The following NKAIN2 variants were observed in gnomAD, a reference collection of about 807,000 sequenced individuals.
The protein encoded by NKAIN2 is sodium/potassium-transporting ATPase subunit beta-1-interacting protein 2.
In NKAIN2, 14 loss-of-function variants were observed where a neutral mutation model predicts 32.6. The observed-to-expected ratio is 0.43, with a 90% confidence interval of 0.28 to 0.67. The LOEUF (loss-of-function observed/expected upper bound fraction) is 0.67, where lower values mean the gene tolerates loss of function less well. Ranked by LOEUF, NKAIN2 falls within the 30% of genes least tolerant of loss-of-function variation. The pLI, the probability that NKAIN2 is intolerant of heterozygous loss-of-function variation, is 0.17. For missense variants in NKAIN2, 198 were observed against 258.3 expected, an observed-to-expected ratio of 0.77 and a Z score of 1.60; for synonymous variants, 80 against 87.2, an observed-to-expected ratio of 0.92 and a Z score of 0.46.
intron 1 of NKAIN2, among the ~76,000 whole-genome samples, chr6:124,020,633 A>AGC (rs1267928406): frequency 1.5e-5 from 2 of 137,896 alleles, no homozygotes; most frequent in African/African-American, 6.0e-5. Flanking sequence ...ATATTTTAAA[A>AGC]ACATATAAAA....
At position 124,735,512 on chromosome 6, in the gene NKAIN2, G is replaced by T. The variant is rs1583760111; in HGVS notation, c.475-55827G>T. ...TGGTAGATTGGGAGAAACAAATATA[G>T]ACATATCTTGTTTTATTGGGCTTTA... On this transcript the variant is annotated intron_variant, in intron 4 of 6. Coordinates refer to ENST00000368417, the MANE Select transcript of NKAIN2 (RefSeq NM_001040214.3). 2.6e-5 allele frequency among the ~76,000 whole-genome samples: 4 copies of T among 151,960 alleles called. No homozygotes were observed. In the South Asian group the frequency reaches 8.3e-4, roughly 31 times the overall value.
intron 1 of NKAIN2, among the ~76,000 whole-genome samples, chr6:123,936,640 G>A (rs1429442757): frequency 2.0e-5 from 3 of 152,074 alleles, no homozygotes; most frequent in Non-Finnish European, 2.9e-5. Flanking sequence ...AAGACAAAAT[G>A]TACATTGAAA....
chr6:124,275,263 A>G (rs754157568), intron 1 of NKAIN2, among the ~76,000 whole-genome samples: 4 of 152,152 alleles, frequency 2.6e-5, no homozygotes, highest in Non-Finnish European at 5.9e-5. Flanking sequence ...AAAATTAACT[A>G]TTTGACTTCT....
chr6:124,606,297 T>G (rs1782496133), intron 3 of NKAIN2, among the ~76,000 whole-genome samples: 1 of 151,994 alleles, frequency 6.6e-6, no homozygotes, highest in African/African-American at 2.4e-5. Flanking sequence ...TTTGCTTTTT[T>G]CAAATTTCAT....
chr6:124,577,776 A>G (rs1781384813), intron 3 of NKAIN2, among the ~76,000 whole-genome samples: 1 of 152,144 alleles, frequency 6.6e-6, no homozygotes, highest in South Asian at 2.1e-4. Flanking sequence ...CAGGCAGTGC[A>G]GCTCACAGCT....
rs76663116 is a variant in NKAIN2, at chr6:124,598,738, C to A, written c.274-59448C>A. On this transcript the variant is annotated intron_variant, in intron 3 of 6. Transcript: ENST00000368417. ...ACTAAAGCCCATAGCACTTAAGAAC[C>A]TAAACCACATGACCAACTTCACAAG... Among the ~76,000 whole-genome samples the A allele has an allele frequency of 6.6e-3, 998 of 151,930 alleles. 11 individuals are homozygous for A. Among genetic ancestry groups the A allele is most frequent in the African/African-American group, 0.023 (958 of 41,468 alleles).
intron 1 of NKAIN2, among the ~76,000 whole-genome samples, chr6:124,216,115 C>CT (rs1791465312): frequency 7.7e-6 from 1 of 129,358 alleles, no homozygotes; most frequent in African/African-American, 3.1e-5. Flanking sequence ...AAAACTCTGT[C>CT]TCAAAAAAAA....
At chr6:123,811,351 G>C (rs1773455779) in intron 1 of NKAIN2, among the ~76,000 whole-genome samples, 1 of 136,052 alleles carries the variant, frequency 7.4e-6, no homozygotes, top group African/African-American at 2.8e-5. Flanking sequence ...AACAGAATTG[G>C]ATCCTTCACC....
chr6:124,660,332 C>T (rs768881139), intron 4 of NKAIN2, among the ~76,000 whole-genome samples: 30 of 151,946 alleles, frequency 2.0e-4, no homozygotes, highest in Admixed American at 1.2e-3. Flanking sequence ...TGTATGTGTG[C>T]GTAAAATAGA....
chr6:124,168,230 A>G (rs1454817553), intron 1 of NKAIN2, among the ~76,000 whole-genome samples: 1 of 152,150 alleles, frequency 6.6e-6, no homozygotes, highest in African/African-American at 2.4e-5. Context: ...ATAAGTCTGT[A>G]AAATTTGACA....
intron 1 of NKAIN2, among the ~76,000 whole-genome samples, chr6:124,023,372 C>G (rs973457647): frequency 1.3e-5 from 2 of 152,084 alleles, no homozygotes; most frequent in African/African-American, 4.8e-5. Flanking sequence ...TTTCACACTT[C>G]TCCCACTTTG....
At position 124,647,978 on chromosome 6, in the gene NKAIN2, T is replaced by C. The variant is rs191659859; in HGVS notation, c.274-10208T>C. Among the ~76,000 whole-genome samples, 135 of 152,334 alleles carry C rather than the reference T, an allele frequency of 8.9e-4. 1 individual carries two copies. The highest frequency in any genetic ancestry group is 1.4e-3 in the Non-Finnish European group (98 of 68,020). ...AAATTATACCAATACTTGTTAAGAA[T>C]GGCAAGATGGATTTTATTTGAACTA... On this transcript the variant is annotated intron_variant, in intron 3 of 6. Transcript: ENST00000368417.
At chr6:123,806,213 T>A (rs1433065996) in intron 1 of NKAIN2, among the ~76,000 whole-genome samples, 3 of 152,136 alleles carry the variant, frequency 2.0e-5, no homozygotes. Context: ...TCTAACAGAA[T>A]AGACGTAGCT....
chr6:124,541,765 A>C (rs890277841), intron 3 of NKAIN2, among the ~76,000 whole-genome samples: 3 of 152,202 alleles, frequency 2.0e-5, no homozygotes, highest in African/African-American at 7.2e-5. Context: ...TAATGCTGGC[A>C]TCCGTCTCCT....
At chr6:124,273,181 T>G (rs1794877099) in intron 1 of NKAIN2, among the ~76,000 whole-genome samples, 1 of 152,074 alleles carries the variant, frequency 6.6e-6, no homozygotes, top group Non-Finnish European at 1.5e-5. Context: ...GAATGATATG[T>G]TTTGGTTTTG....
intron 1 of NKAIN2, among the ~76,000 whole-genome samples, chr6:124,263,510 A>G (rs1401868385): frequency 6.6e-6 from 1 of 152,210 alleles, no homozygotes; most frequent in South Asian, 2.1e-4. Context: ...TCTCCTGTCA[A>G]CTGAAGAGAT....
At chr6:123,829,017 C>T (rs1216783965) in intron 1 of NKAIN2, 1 of 152,104 alleles carries the variant, frequency 6.6e-6, no homozygotes, top group African/African-American at 2.4e-5. Context: ...GGAGTAAAAA[C>T]AGGAATATAT....
intron 1 of NKAIN2, among the ~76,000 whole-genome samples, chr6:124,052,585 T>G (rs1267519677): frequency 6.6e-6 from 1 of 151,846 alleles, no homozygotes; most frequent in African/African-American, 2.4e-5. Flanking sequence ...AATGAAAAAA[T>G]GAGTAAAACA....
chr6:124,624,510 A>G (rs142130399), intron 3 of NKAIN2, among the ~76,000 whole-genome samples: 2 of 152,202 alleles, frequency 1.3e-5, no homozygotes, highest in African/African-American at 2.4e-5. Flanking sequence ...TTATGCTGTC[A>G]TGAGGTGGTG....
Sources: allele counts gnomAD v4.1 joint callset (sites outside exome capture counted in the v4.1 genomes callset), GRCh38; gene constraint gnomAD v4.1.1; transcripts MANE v1.5; gene names NCBI Gene and HGNC (gene_info 2026-07-23, HGNC 2026-07-21).